Variants in ARHGAP39 observed in about 807,000 individuals in gnomAD.
ARHGAP39 encodes the protein rho GTPase-activating protein 39.
ARHGAP39 carries 44 observed loss-of-function variants against 106.9 expected under a neutral mutation model. That is an observed-to-expected ratio of 0.41 (90% CI 0.32 to 0.53). The LOEUF is 0.53. Among genes scored for constraint, ARHGAP39 ranks in the 20% least tolerant of loss-of-function variants. ARHGAP39 has a pLI of 0.21. For missense variants in ARHGAP39, 1,496 were observed against 1,577.3 expected, an observed-to-expected ratio of 0.95 and a Z score of 0.87; for synonymous variants, 768 against 693.2, an observed-to-expected ratio of 1.11 and a Z score of -1.69.
intron 1 of ARHGAP39, among the ~76,000 whole-genome samples, chr8:144,633,633 C>T (rs1317110357): frequency 2.0e-5 from 3 of 152,196 alleles, no homozygotes; most frequent in African/African-American, 7.2e-5. Context: ...ACTACATTTT[C>T]TTAAAGTGGT....
chr8:144,676,178 C>T (rs1283807589), intron 1 of ARHGAP39, among the ~76,000 whole-genome samples: 3 of 152,226 alleles, frequency 2.0e-5, no homozygotes, highest in Non-Finnish European at 4.4e-5. Context: ...GGGTGGCCTG[C>T]TTTTATTCCC....
At chr8:144,678,028 G>A (rs1822287940) in intron 1 of ARHGAP39, among the ~76,000 whole-genome samples, 1 of 152,184 alleles carries the variant, frequency 6.6e-6, no homozygotes, top group Non-Finnish European at 1.5e-5. Flanking sequence ...GCCATTCTCT[G>A]AGGGCAACTC....
chr8:144,597,616 T>TC (rs1819671006), intron 2 of ARHGAP39, among the ~76,000 whole-genome samples: 2 of 152,178 alleles, frequency 1.3e-5, no homozygotes, highest in South Asian at 4.1e-4. Flanking sequence ...GTCAAGACTG[T>TC]AATCAATGGG....
rs1821415092 is a variant in ARHGAP39, at chr8:144,645,344, T to C, written c.-81-39649A>G. On this transcript the variant is annotated intron_variant, in intron 1 of 11. Coordinates refer to ENST00000377307, the MANE Select transcript of ARHGAP39 (RefSeq NM_025251.3). The surrounding 1 kb of genome is among the most constrained non-coding windows in gnomAD (Gnocchi z 4.4). ...CAGATGCCCAGCTGGGAACCAGCCC[T>C]GGGACACCACGCTCTCAATGATGGG... Among the ~76,000 whole-genome samples the C allele has an allele frequency of 6.6e-6, 1 of 152,238 alleles. No individual in the cohort carries two copies. Among genetic ancestry groups the C allele is most frequent in the Admixed American group, 6.5e-5 (1 of 15,290 alleles).
At chr8:144,686,592 T>G (rs1249742835), upstream of ARHGAP39, among the ~76,000 whole-genome samples, 2 of 152,102 alleles carry the variant, frequency 1.3e-5, no homozygotes, top group South Asian at 2.1e-4. Flanking sequence ...CCGTCAAAAG[T>G]CATCCGTGGA....
intron 1 of ARHGAP39, among the ~76,000 whole-genome samples, chr8:144,654,138 A>G (rs992075204): frequency 6.6e-6 from 1 of 152,234 alleles, no homozygotes; most frequent in Non-Finnish European, 1.5e-5. Context: ...CAACATATAT[A>G]TAACTGGAAC....
chr8:144,578,129 T>C (rs1300707890), intron 3 of ARHGAP39, among the ~76,000 whole-genome samples: 2 of 152,216 alleles, frequency 1.3e-5, no homozygotes, highest in African/African-American at 4.8e-5. Flanking sequence ...TCAAAACTTA[T>C]TACAAAGCTA....
chr8:144,571,058 G>C (rs756279659), intron 3 of ARHGAP39, among the ~76,000 whole-genome samples: 46 of 152,192 alleles, frequency 3.0e-4, no homozygotes, highest in Admixed American at 2.3e-3. Context: ...GAGGTACAGA[G>C]AGGAGCTGGT....
At chr8:144,556,218 G>C (rs1023153386) in intron 3 of ARHGAP39, among the ~76,000 whole-genome samples, 14 of 151,418 alleles carry the variant, frequency 9.2e-5, no homozygotes, top group African/African-American at 3.2e-4. Context: ...CCGGGAGGCG[G>C]AGCGTGCAGT....
intron 1 of ARHGAP39, among the ~76,000 whole-genome samples, chr8:144,608,409 C>T (rs2130950920): frequency 6.6e-6 from 1 of 152,302 alleles, no homozygotes; most frequent in African/African-American, 2.4e-5. Context: ...TGGGTTCCAA[C>T]ATGCTCACTG....
At chr8:144,579,518 C>T (rs1034457098) in intron 3 of ARHGAP39, among the ~76,000 whole-genome samples, 1 of 152,136 alleles carries the variant, frequency 6.6e-6, no homozygotes, top group Non-Finnish European at 1.5e-5. Flanking sequence ...TCCCGGTGTG[C>T]TCCAGTGGCT....
At chr8:144,614,628 C>T (rs1420230782) in intron 1 of ARHGAP39, among the ~76,000 whole-genome samples, 2 of 152,348 alleles carry the variant, frequency 1.3e-5, no homozygotes, top group Non-Finnish European at 2.9e-5. Flanking sequence ...GCTGGGATTA[C>T]AGGTGTGAGC....
chr8:144,654,011 C>T (rs1038645266), intron 1 of ARHGAP39, among the ~76,000 whole-genome samples: 3 of 152,190 alleles, frequency 2.0e-5, no homozygotes, highest in East Asian at 1.9e-4. Flanking sequence ...TCTGGACTGC[C>T]GGACACGAGC....
chr8:144,559,135 G>C (rs536009283), intron 3 of ARHGAP39, among the ~76,000 whole-genome samples: 1 of 152,056 alleles, frequency 6.6e-6, no homozygotes, highest in African/African-American at 2.4e-5. Context: ...GTGAACCCAG[G>C]GGGCAGAGCT....
intron 7 of ARHGAP39, among the ~76,000 whole-genome samples, chr8:144,535,334 TC>T (rs1816911406): frequency 6.6e-6 from 1 of 152,244 alleles, no homozygotes; most frequent in Non-Finnish European, 1.5e-5. Flanking sequence ...ATTTTTTTTT[TC>T]ATAGACGTTT....
rs558936031 is a variant in ARHGAP39 at position 144,585,390 on chromosome 8, G to A, written c.81-4113C>T. Reference sequence around the variant, plus strand: ...GGGCCAGCCAAGGGTTCCCAGCACCGGCTCACCGAGAACCTGGAGGGGCCA... The same window carrying A: ...GGGCCAGCCAAGGGTTCCCAGCACCAGCTCACCGAGAACCTGGAGGGGCCA... On this transcript the variant is annotated intron_variant, in intron 2 of 11. Transcript: ENST00000377307. This position sits in a 1 kb window ranked among gnomAD's most constrained non-coding sequence, Gnocchi z 4.6. Among the ~76,000 whole-genome samples the A allele has an allele frequency of 3.1e-3, 453 of 145,952 alleles. 2 individuals carry two copies. Among genetic ancestry groups the A allele is most frequent in the African/African-American group, 5.3e-3 (210 of 39,266 alleles).
intron 1 of ARHGAP39, among the ~76,000 whole-genome samples, chr8:144,658,510 G>T (rs552853817): frequency 6.6e-6 from 1 of 152,244 alleles, no homozygotes; most frequent in African/African-American, 2.4e-5. Flanking sequence ...CCTGACCTCA[G>T]GTGATCTGCT....
rs976403716 is a variant in ARHGAP39 at position 144,548,077 on chromosome 8, C to T, written c.1009G>A (p.Gly337Ser). 1.1e-5 allele frequency: 18 copies of T among 1,594,932 alleles called. No homozygotes were observed. Among genetic ancestry groups the T allele is most frequent in the East Asian group, 2.2e-5 (1 of 44,566 alleles). ...GGAGAGCCGGCCTGGTAGCCCCCGC[C>T]AGCCTCGAATTGCACGTCCATGGGG... ...EPPMDVQFEA[G>S]GGYQAGSPQR... Residue 337 changes from glycine to serine, a missense_variant, in exon 5 of 12, where the codon GGC becomes AGC. Around this residue, in one of 4 missense-constraint regions of ARHGAP39, gnomAD observed 905 missense variants for 816.4 expected, o/e 1.11. Transcript: ENST00000377307. This position sits in a 1 kb window ranked among gnomAD's most constrained non-coding sequence, Gnocchi z 7.4.
chr8:144,601,885 GTGTC>G (rs1230746716), intron 2 of ARHGAP39, among the ~76,000 whole-genome samples: 2 of 146,726 alleles, frequency 1.4e-5, no homozygotes, highest in African/African-American at 2.5e-5. Context: ...GTACCTGTGT[GTGTC>G]CATGGAGGCG....
Sources: allele counts gnomAD v4.1 joint callset (sites outside exome capture counted in the v4.1 genomes callset), GRCh38; gene constraint gnomAD v4.1.1; regional missense constraint gnomAD v4.1.1; non-coding constraint Gnocchi (gnomAD v3.1); transcripts MANE v1.5; gene names NCBI Gene and HGNC (gene_info 2026-07-23, HGNC 2026-07-21).